Variants in CMSS1 observed in about 807,000 individuals in gnomAD.
The protein encoded by CMSS1 is protein CMSS1.
In CMSS1, 33 loss-of-function variants were observed where a neutral mutation model predicts 43.5. The ratio of observed to expected loss-of-function variants is 0.76; its 90% CI spans 0.57 to 1.01. The LOEUF (loss-of-function observed/expected upper bound fraction) is 1.01, where lower values mean the gene tolerates loss of function less well. Among genes scored for constraint, CMSS1 ranks in the 50% least tolerant of loss-of-function variants. The probability of loss-of-function intolerance (pLI) is 0.00; values close to 1 mark genes in which losing one functional copy is unlikely to be tolerated. For missense variants in CMSS1, 313 were observed against 326.4 expected (o/e 0.96, Z 0.32); for synonymous variants, 115 against 117.2 (o/e 0.98, Z 0.12).
intron 1 of CMSS1, among the ~76,000 whole-genome samples, chr3:100,014,728 A>G (rs1332605961): frequency 1.4e-5 from 2 of 147,336 alleles, no homozygotes; most frequent in Admixed American, 6.7e-5. Flanking sequence ...TGTTTTGGAT[A>G]TTGGATATTA....
At chr3:99,875,883 A>G (rs968663384) in intron 1 of CMSS1, among the ~76,000 whole-genome samples, 4 of 152,258 alleles carry the variant, frequency 2.6e-5, no homozygotes, top group African/African-American at 9.6e-5. Context: ...TCCTCCAGAG[A>G]AAACTTCTAC....
intron 1 of CMSS1, among the ~76,000 whole-genome samples, chr3:99,975,054 C>T (rs1708929041): frequency 6.6e-6 from 1 of 152,146 alleles, no homozygotes. Context: ...TGAGTGACTG[C>T]TAATGTTCCA....
intron 1 of CMSS1, among the ~76,000 whole-genome samples, chr3:99,958,709 C>T (rs1345712709): frequency 1.3e-5 from 2 of 152,146 alleles, no homozygotes; most frequent in East Asian, 3.8e-4. Context: ...GAGGCATGAG[C>T]CAGCAGGGCT....
intron 1 of CMSS1, among the ~76,000 whole-genome samples, chr3:99,944,150 G>A (rs1399058015): frequency 6.6e-6 from 1 of 152,210 alleles, no homozygotes; most frequent in East Asian, 1.9e-4. Flanking sequence ...CCTCACCAAA[G>A]GGAGGGAGTT....
At chr3:99,971,219 A>G (rs1057218123) in intron 1 of CMSS1, among the ~76,000 whole-genome samples, 2 of 152,074 alleles carry the variant, frequency 1.3e-5, no homozygotes, top group African/African-American at 4.8e-5. Context: ...AGATGCCTGT[A>G]GTCCCAGCTA....
chr3:99,926,277 C>T (rs1707290729), intron 1 of CMSS1, among the ~76,000 whole-genome samples: 2 of 152,202 alleles, frequency 1.3e-5, no homozygotes, highest in South Asian at 4.1e-4. Flanking sequence ...TGCTTAAATT[C>T]ACAAAATACT....
intron 1 of CMSS1, chr3:99,833,024 A>G: frequency 1.8e-6 from 1 of 553,332 alleles, no homozygotes; most frequent in Non-Finnish European, 3.2e-6. Flanking sequence ...CAAGAGAAAT[A>G]CATGCATATG....
At chr3:99,916,689 G>A (rs1207116227) in intron 1 of CMSS1, among the ~76,000 whole-genome samples, 2 of 152,158 alleles carry the variant, frequency 1.3e-5, no homozygotes, top group South Asian at 2.1e-4. Context: ...CAAATAGCCA[G>A]TAGGATCAGA....
chr3:100,035,708 T>C (rs910685263), intron 1 of CMSS1, among the ~76,000 whole-genome samples: 4 of 152,242 alleles, frequency 2.6e-5, no homozygotes, highest in Admixed American at 2.6e-4. Flanking sequence ...ATTTCTTGAT[T>C]ACCTTTAAAT....
chr3:100,118,732 C>G (rs992526104), intron 1 of CMSS1, among the ~76,000 whole-genome samples: 3 of 152,162 alleles, frequency 2.0e-5, no homozygotes, highest in African/African-American at 4.8e-5. Context: ...AACTCTTCCC[C>G]TTTCCTGTGG....
chr3:100,167,550 T>G (rs1448550141), intron 5 of CMSS1, among the ~76,000 whole-genome samples, 188 bp from the exon 6 acceptor site: 1 of 152,240 alleles, frequency 6.6e-6, no homozygotes, highest in Non-Finnish European at 1.5e-5. Flanking sequence ...GTGTTACAAA[T>G]TAATGATACT....
At chr3:99,911,487 A>G (rs532689192) in intron 1 of CMSS1, among the ~76,000 whole-genome samples, 1 of 152,082 alleles carries the variant, frequency 6.6e-6, no homozygotes, top group African/African-American at 2.4e-5. Context: ...CGAATGTCTC[A>G]TGGTCTCAGG....
At chr3:99,830,649 G>C (rs1942642601) in intron 1 of CMSS1, 1 of 452,476 alleles carries the variant, frequency 2.2e-6, no homozygotes, top group South Asian at 1.6e-5. Context: ...TGGTACAGTT[G>C]GTGGAGAAGT....
intron 1 of CMSS1, among the ~76,000 whole-genome samples, chr3:99,946,716 GCTACATCTGGAGGC>G (rs1708018937): frequency 6.6e-6 from 1 of 152,170 alleles, no homozygotes; most frequent in South Asian, 2.1e-4. Context: ...CGTGGTGGTG[GCTACATCTGGAGGC>G]CTGAATCCAC....
At chr3:100,043,459 T>G (rs948899800) in intron 1 of CMSS1, among the ~76,000 whole-genome samples, 4 of 152,176 alleles carry the variant, frequency 2.6e-5, no homozygotes, top group African/African-American at 9.7e-5. Context: ...ATACTCTCAC[T>G]TCTCTATTTT....
chr3:99,838,885 C>G (rs1217212325), intron 1 of CMSS1, among the ~76,000 whole-genome samples: 1 of 152,160 alleles, frequency 6.6e-6, no homozygotes, highest in Non-Finnish European at 1.5e-5. Flanking sequence ...CAGAAACCTT[C>G]TGTGAAGACA....
chr3:99,980,588 A>T (rs1256451417), intron 1 of CMSS1, among the ~76,000 whole-genome samples: 1 of 152,156 alleles, frequency 6.6e-6, no homozygotes, highest in African/African-American at 2.4e-5. Context: ...AAAATTTAAA[A>T]ATTACTGGCT....
chr3:99,888,788 G>A (rs1367712405), intron 1 of CMSS1, among the ~76,000 whole-genome samples: 3 of 152,070 alleles, frequency 2.0e-5, no homozygotes, highest in Admixed American at 6.6e-5. Context: ...TCATTTTGAT[G>A]TTTCATAAAT....
intron 1 of CMSS1, among the ~76,000 whole-genome samples, chr3:99,900,649 A>G (rs1345268394): frequency 6.6e-6 from 1 of 152,234 alleles, no homozygotes; most frequent in African/African-American, 2.4e-5. Flanking sequence ...GAACTTCCAT[A>G]AAGTACCAAA....
Sources: allele counts gnomAD v4.1 joint callset (sites outside exome capture counted in the v4.1 genomes callset), GRCh38; gene constraint gnomAD v4.1.1; transcripts MANE v1.5; gene names NCBI Gene and HGNC (gene_info 2026-07-23, HGNC 2026-07-21).